Variants in PTPRR observed in about 807,000 individuals in gnomAD.
PTPRR encodes the protein protein tyrosine phosphatase receptor type R.
Under a neutral mutation model 77.2 loss-of-function variants are expected in PTPRR, and 38 were observed. That is an observed-to-expected ratio of 0.49 (90% CI 0.38 to 0.65). PTPRR has a LOEUF of 0.65. Among genes scored for constraint, PTPRR ranks in the 30% least tolerant of loss-of-function variants. The pLI is 0.00. For synonymous variants in PTPRR, 299 were observed against 283.1 expected (o/e 1.06, Z -0.57); for missense variants, 744 against 799.2 (o/e 0.93, Z 0.83).
chr12:70,746,811 G>A (rs903270755), intron 5 of PTPRR, among the ~76,000 whole-genome samples: 1 of 151,708 alleles, frequency 6.6e-6, no homozygotes, highest in Non-Finnish European at 1.5e-5. Context: ...ATGCACCTAC[G>A]AGATAGAACT....
At chr12:70,890,930 C>G (rs1893324789) in intron 2 of PTPRR, among the ~76,000 whole-genome samples, 1 of 152,004 alleles carries the variant, frequency 6.6e-6, no homozygotes, top group Non-Finnish European at 1.5e-5. Flanking sequence ...TTTGAGGAAG[C>G]TAAACATTAT....
Position 70,656,807 on chromosome 12 carries a change from C to T in PTPRR, c.1777G>A (p.Gly593Ser). ...PVVVHCSAGIGRTGCFIATSI... is the reference protein window; with the variant it reads ...PVVVHCSAGISRTGCFIATSI... ...GTAGCAATAAAACACCCTGTTCTAC[C>T]TATTCCTGCACTGAAAAGAAAAGAA... Residue 593 changes from glycine (G) to serine (S), a missense_variant, in exon 13 of 14, where the codon GGT (glycine) becomes AGT (serine). Physicochemically the swap from Gly to Ser is moderately conservative, Grantham distance 56. This residue lies in a region of PTPRR where 170 missense variants were observed against 209.8 expected (regional missense o/e 0.81). Coordinates refer to ENST00000283228, the MANE Select transcript of PTPRR (RefSeq NM_002849.4). The T allele has an allele frequency of 6.2e-7, 1 of 1,608,650 alleles. No individual in the cohort carries two copies. Among genetic ancestry groups the T allele is most frequent in the Non-Finnish European group, 8.5e-7 (1 of 1,175,560 alleles).
At chr12:70,650,468 T>A (rs1019548002) in intron 13 of PTPRR, among the ~76,000 whole-genome samples, 2 of 146,446 alleles carry the variant, frequency 1.4e-5, no homozygotes, top group African/African-American at 5.2e-5. Flanking sequence ...TATATATATA[T>A]AAACAGCTTT....
At chr12:70,643,860 A>G (rs1886100560) in intron 13 of PTPRR, among the ~76,000 whole-genome samples, 1 of 151,860 alleles carries the variant, frequency 6.6e-6, no homozygotes, top group Non-Finnish European at 1.5e-5. Flanking sequence ...TCCCAGGTCA[A>G]CTGATCTCCT....
intron 13 of PTPRR, among the ~76,000 whole-genome samples, chr12:70,651,019 T>A (rs901023224): frequency 2.0e-5 from 3 of 152,208 alleles, no homozygotes; most frequent in Admixed American, 2.0e-4. Flanking sequence ...CACATTTTCA[T>A]TTTATACTGG....
At chr12:70,672,489 G>C in intron 10 of PTPRR, 1 of 1,166,652 alleles carries the variant, frequency 8.6e-7, no homozygotes. Context: ...CTCATAACGT[G>C]AGTGCTCATG....
intron 1 of PTPRR, among the ~76,000 whole-genome samples, chr12:70,902,832 C>T (rs1893561290): frequency 6.6e-6 from 1 of 151,654 alleles, no homozygotes; most frequent in African/African-American, 2.4e-5. Context: ...CAAATCAGCA[C>T]TAAAGAACTT....
intron 12 of PTPRR, among the ~76,000 whole-genome samples, chr12:70,658,860 C>CA (rs1886678831): frequency 8.7e-6 from 1 of 115,474 alleles, no homozygotes; most frequent in Non-Finnish European, 1.7e-5. Flanking sequence ...TGGATAGGTT[C>CA]AACGTTAGGG....
intron 6 of PTPRR, among the ~76,000 whole-genome samples, chr12:70,737,278 C>T (rs992072875): frequency 3.3e-5 from 5 of 151,978 alleles, no homozygotes; most frequent in Non-Finnish European, 7.4e-5. Context: ...CTTTGCTTGT[C>T]CTCTTCTCTG....
chr12:70,735,558 C>A (rs1282424003), intron 6 of PTPRR, among the ~76,000 whole-genome samples: 2 of 152,066 alleles, frequency 1.3e-5, no homozygotes, highest in Non-Finnish European at 2.9e-5. Flanking sequence ...AGCTACGGTT[C>A]AAGATGAGAT....
At chr12:70,686,155 T>C (rs1375900557) in intron 8 of PTPRR, among the ~76,000 whole-genome samples, 32 of 152,212 alleles carry the variant, frequency 2.1e-4, no homozygotes, top group Admixed American at 2.0e-3. Context: ...GAAAAACTTC[T>C]CCCATTCCCA....
chr12:70,663,827 A>G (rs533284148), intron 10 of PTPRR, among the ~76,000 whole-genome samples: 2 of 152,326 alleles, frequency 1.3e-5, no homozygotes, highest in Admixed American at 6.5e-5. Flanking sequence ...GTTGCCTTCA[A>G]TCAGAACCTT....
At chr12:70,879,406 A>AG (rs983587745) in intron 2 of PTPRR, among the ~76,000 whole-genome samples, 7 of 152,000 alleles carry the variant, frequency 4.6e-5, no homozygotes, top group Admixed American at 3.9e-4. Context: ...AAAAAAAAAA[A>AG]AAGAAGAAAC....
chr12:70,725,468 A>G lies in PTPRR; in HGVS notation c.1007+20350T>C, dbSNP rs145880530. Among the ~76,000 whole-genome samples the G allele has an allele frequency of 9.0e-4, 137 of 152,288 alleles. 1 individual carries two copies. The highest frequency in any genetic ancestry group is 1.5e-3 in the Non-Finnish European group (102 of 68,012). On this transcript the variant is annotated intron_variant, in intron 6 of 13. Transcript: ENST00000283228. ...TCCACCAAATCTAGGAAAAGCAGCT[A>G]TATTTTAGCCAGGAAATAGAAGTCC...
intron 10 of PTPRR, among the ~76,000 whole-genome samples, chr12:70,668,458 C>T (rs998462337): frequency 6.6e-6 from 1 of 152,184 alleles, no homozygotes; most frequent in Non-Finnish European, 1.5e-5. Context: ...GAAGATCCAA[C>T]AGTCCAATTT....
chr12:70,761,871 T>C (rs1890699685), intron 3 of PTPRR, among the ~76,000 whole-genome samples: 2 of 152,238 alleles, frequency 1.3e-5, no homozygotes, highest in South Asian at 4.1e-4. Context: ...TATATTTCAG[T>C]GCATGCTTGC....
intron 8 of PTPRR, among the ~76,000 whole-genome samples, chr12:70,685,199 C>CT: frequency 6.6e-6 from 1 of 152,206 alleles, no homozygotes; most frequent in South Asian, 2.1e-4. Context: ...CATTTAGACC[C>CT]TCAGGTCTGA....
chr12:70,767,188 C>T (rs967161440), intron 2 of PTPRR, among the ~76,000 whole-genome samples: 8 of 151,880 alleles, frequency 5.3e-5, no homozygotes, highest in Non-Finnish European at 1.0e-4. Context: ...TGTAAATGGA[C>T]TAAATGCTCC....
chr12:70,859,727 C>A (rs1478202316), intron 2 of PTPRR, among the ~76,000 whole-genome samples: 1 of 151,892 alleles, frequency 6.6e-6, no homozygotes, highest in African/African-American at 2.4e-5. Flanking sequence ...GAGAGGGAGG[C>A]TGAAAACTCA....
Sources: allele counts gnomAD v4.1 joint callset (sites outside exome capture counted in the v4.1 genomes callset), GRCh38; gene constraint gnomAD v4.1.1; regional missense constraint gnomAD v4.1.1; transcripts MANE v1.5; gene names NCBI Gene and HGNC (gene_info 2026-07-23, HGNC 2026-07-21).